PLEKHG2: variants seen among roughly 807,000 people sequenced by gnomAD.
PLEKHG2 encodes the protein pleckstrin homology and RhoGEF domain containing G2, also known as pleckstrin homology domain-containing family G member 2.
A neutral mutation model predicts 104.4 loss-of-function variants in PLEKHG2; 71 were observed. That is an observed-to-expected ratio of 0.68 (90% CI 0.56 to 0.83). PLEKHG2 has a LOEUF of 0.83. Ranked by LOEUF, PLEKHG2 falls within the 40% of genes least tolerant of loss-of-function variation. PLEKHG2 has a pLI of 0.00. For missense variants in PLEKHG2, 1,730 were observed against 1,809.4 expected, an observed-to-expected ratio of 0.96 and a Z score of 0.80; for synonymous variants, 728 against 737.0, an observed-to-expected ratio of 0.99 and a Z score of 0.20.
chr19:39,422,299 T>C lies in PLEKHG2; in HGVS notation c.1677+11T>C. 6.2e-7 allele frequency: 1 copy of C among 1,606,868 alleles called. No individual in the cohort carries two copies. Among genetic ancestry groups the C allele is most frequent in the Non-Finnish European group, 8.5e-7 (1 of 1,176,608 alleles). ...CTTCGAGATCCAGGGGTGAGCTGGC[T>C]GTCCCATCATGGTGTCCTTGGGCCT... On this transcript the variant is annotated intron_variant, in intron 17 of 18. Coordinates refer to ENST00000425673, the MANE Select transcript of PLEKHG2 (RefSeq NM_022835.3).
At position 39,423,727 on chromosome 19, in the gene PLEKHG2, A is replaced by G. The variant is rs1480175598; in HGVS notation, c.2600-6A>G. The G allele has an allele frequency of 3.7e-6, 6 of 1,605,562 alleles. No individual in the cohort carries two copies. The highest frequency in any genetic ancestry group is 5.1e-6 in the Non-Finnish European group (6 of 1,174,532). On this transcript the variant is annotated splice_region_variant and splice_polypyrimidine_tract_variant and intron_variant, in intron 18 of 18. Transcript: ENST00000425673. ...GGTCCTGACTCGATCCTCTTTTCGC[A>G]TTCAGGGCTCCTGCCTGCCTTTGGA...
At chr19:39,421,628 C>G (rs889246253) in intron 16 of PLEKHG2, 1 of 425,326 alleles carries the variant, frequency 2.4e-6, no homozygotes, top group East Asian at 5.0e-5. Flanking sequence ...GCAGAGGTTG[C>G]AAAATGAGCT....
intron 16 of PLEKHG2, chr19:39,421,903 G>A (rs1318943816): frequency 1.0e-5 from 4 of 401,822 alleles, no homozygotes; most frequent in African/African-American, 2.1e-5. Context: ...TGTAATCCCA[G>A]CTACTCAGGA....
chr19:39,424,544 C>T lies in PLEKHG2; in HGVS notation c.3411C>T (p.Asp1137=). 1 of 1,614,124 alleles carries T rather than the reference C, an allele frequency of 6.2e-7. No individual in the cohort carries two copies. Among genetic ancestry groups the T allele is most frequent in the Non-Finnish European group, 8.5e-7 (1 of 1,180,032 alleles). ...TGTCTTTGTCCCAGGAGCTCCCAGACACTCAGGTTCCAGCTACCACACCTT... is the reference window on the plus strand; with the variant it reads ...TGTCTTTGTCCCAGGAGCTCCCAGATACTCAGGTTCCAGCTACCACACCTT... ...APLSLSQELP[D]TQVPATTPLP... Residue 1137 remains aspartate, a synonymous_variant, in exon 19 of 19, where the codon GAC becomes GAT. Coordinates refer to ENST00000425673, the MANE Select transcript of PLEKHG2 (RefSeq NM_022835.3).
intron 14 of PLEKHG2, 39 bp from the exon 15 acceptor site, chr19:39,421,036 G>A (rs1385440091): frequency 6.2e-7 from 1 of 1,614,108 alleles, no homozygotes; most frequent in Non-Finnish European, 8.5e-7. Flanking sequence ...GCATCGGGGT[G>A]GGAGCTGGGC....
rs775514717 is a variant in PLEKHG2 at position 39,415,228 on chromosome 19, G to A, written c.346G>A (p.Ala116Thr). The A allele has an allele frequency of 6.3e-7, 1 of 1,584,794 alleles. No homozygotes were observed. Among genetic ancestry groups the A allele is most frequent in the Non-Finnish European group, 8.6e-7 (1 of 1,164,806 alleles). ...VAREIVETERAYVRDLRSIVE... is the reference protein window; with the variant it reads ...VAREIVETERTYVRDLRSIVE... The stretch of plus-strand genomic sequence containing the variant: ...CCGGGAGATCGTGGAGACAGAACGG[G>A]CCTATGTCAGGGACCTCCGCAGCAT... The change falls in exon 3 of 19, where the codon GCC becomes ACC. Residue 116 changes from alanine (A) to threonine (T), a missense_variant. Ala to Thr is a moderately conservative substitution (Grantham distance 58, BLOSUM62 0). Coordinates refer to ENST00000425673, the MANE Select transcript of PLEKHG2 (RefSeq NM_022835.3). This position sits in a 1 kb window ranked among gnomAD's most constrained non-coding sequence, Gnocchi z 4.6.
At position 39,415,873 on chromosome 19, in the gene PLEKHG2, C is replaced by A. The variant is rs1019966052; in HGVS notation, c.479+434C>A. ...CGAGACAGCGTGAGCATGCGAGTGACCCCCTAAGCCTGATTTGCCTGGGAC... is the reference window on the plus strand; with the variant it reads ...CGAGACAGCGTGAGCATGCGAGTGAACCCCTAAGCCTGATTTGCCTGGGAC... On this transcript the variant is annotated intron_variant, in intron 4 of 18. Coordinates refer to ENST00000425673, the MANE Select transcript of PLEKHG2 (RefSeq NM_022835.3). This position sits in a 1 kb window ranked among gnomAD's most constrained non-coding sequence, Gnocchi z 4.6. 2.6e-5 allele frequency among the ~76,000 whole-genome samples: 4 copies of A among 152,020 alleles called. No homozygotes were observed. Among genetic ancestry groups the A allele is most frequent in the Admixed American group, 2.6e-4 (4 of 15,272 alleles).
intron 2 of PLEKHG2, 99 bp downstream of exon 2, chr19:39,414,294 C>T: frequency 1.6e-6 from 2 of 1,247,030 alleles, no homozygotes. Flanking sequence ...CCAACTCGCA[C>T]AAAGCTCCGA....
At chr19:39,414,917 G>A in intron 2 of PLEKHG2, 75 bp from the exon 3 acceptor site, 3 of 1,463,900 alleles carry the variant, frequency 2.0e-6, no homozygotes, top group South Asian at 1.4e-5. Flanking sequence ...TGAGGGTGTG[G>A]GCTGAACGCA....
chr19:39,420,355 C>T (rs2078679068), intron 11 of PLEKHG2, among the ~76,000 whole-genome samples: 2 of 149,850 alleles, frequency 1.3e-5, no homozygotes, highest in Admixed American at 6.6e-5. Context: ...GCAAAATCTC[C>T]GTCTCAAAAA....
chr19:39,421,331 C>A (rs1911940034), intron 16 of PLEKHG2, 32 bp downstream of exon 16: 9 of 1,609,092 alleles, frequency 5.6e-6, no homozygotes, highest in Non-Finnish European at 7.7e-6. Context: ...GGTCTGGGCA[C>A]CTTGACTTCT....
chr19:39,414,125 T>C lies in PLEKHG2; in HGVS notation c.39T>C (p.Pro13=). 1.3e-6 allele frequency: 2 copies of C among 1,551,446 alleles called. No homozygotes were observed. The highest frequency in any genetic ancestry group is 2.7e-5 in the African/African-American group (2 of 73,170). The part of the protein sequence containing the change: ...EGAQGLSLSK[P]SPSLGCGRRG... ...CCCAAGGACTGAGCCTCTCCAAACC[T>C]AGCCCAAGCCTCGGGTGTGGCCGAA... Residue 13 remains proline, a synonymous_variant, in exon 2 of 19, where the codon CCT becomes CCC. Transcript: ENST00000425673.
Position 39,426,414 on chromosome 19 carries a change from G to A in PLEKHG2, c.*1120G>A, listed in dbSNP as rs947249285. On this transcript the variant is annotated 3_prime_UTR_variant, in exon 19 of 19. Transcript: ENST00000425673. ...GGTCGTGGAGACAAAAGGCTTTTAT[G>A]TTAGGTTCTGTCTGCCCCCTTGTTC... is the stretch of plus-strand genomic sequence containing the variant. The A allele has an allele frequency of 1.3e-5, 2 of 152,244 alleles. No homozygotes were observed. Among genetic ancestry groups the A allele is most frequent in the Admixed American group, 6.5e-5 (1 of 15,276 alleles). The allele number at this position is 152,244 out of a possible 1,614,324, so 9.4% of individuals were successfully genotyped here.
In PLEKHG2 at chr19:39,416,246, G is replaced by A. The variant is rs2078600412; in HGVS notation, c.480-102G>A. On this transcript the variant is annotated intron_variant, in intron 4 of 18. Transcript: ENST00000425673. This position sits in a 1 kb window ranked among gnomAD's most constrained non-coding sequence, Gnocchi z 4.5. Reference sequence around the variant, plus strand: ...CTTAGGAGATGCTGGCAGTCAGCAAGCCCCCAGCCCCAGCAGACCATTGGG... The same window carrying A: ...CTTAGGAGATGCTGGCAGTCAGCAAACCCCCAGCCCCAGCAGACCATTGGG... The A allele has an allele frequency of 7.7e-6, 9 of 1,169,152 alleles. No individual in the cohort carries two copies. The highest frequency in any genetic ancestry group is 1.1e-5 in the Non-Finnish European group (9 of 792,758). The allele number at this position is 1,169,152 out of a possible 1,614,324, so 72.4% of individuals were successfully genotyped here. A position where few individuals can be genotyped will look rare whatever the true frequency, so the allele number is the denominator to read the frequency against.
At chr19:39,421,915 G>A (rs1219009100) in intron 16 of PLEKHG2, 200 bp from the exon 17 acceptor site, 2 of 438,526 alleles carry the variant, frequency 4.6e-6, no homozygotes, top group African/African-American at 4.1e-5. Context: ...TACTCAGGAG[G>A]CTGAGGCAGC....
intron 2 of PLEKHG2, 166 bp downstream of exon 2, chr19:39,414,361 C>T (rs2078567969): frequency 3.0e-6 from 2 of 671,324 alleles, no homozygotes; most frequent in Non-Finnish European, 2.5e-6. Context: ...GGGGGCAGCG[C>T]TGGGCAGAGT....
chr19:39,416,260 C>A lies in PLEKHG2; in HGVS notation c.480-88C>A. ...GCAGTCAGCAAGCCCCCAGCCCCAG[C>A]AGACCATTGGGGCCTCAGCCTCCTG... On this transcript the variant is annotated intron_variant, in intron 4 of 18. Coordinates refer to ENST00000425673, the MANE Select transcript of PLEKHG2 (RefSeq NM_022835.3). This position sits in a 1 kb window ranked among gnomAD's most constrained non-coding sequence, Gnocchi z 4.5. 1 of 1,327,002 alleles carries A rather than the reference C, an allele frequency of 7.5e-7. No individual in the cohort carries two copies. Among genetic ancestry groups the A allele is most frequent in the Non-Finnish European group, 1.1e-6 (1 of 929,442 alleles). The allele number at this position is 1,327,002 out of a possible 1,614,324, so 82.2% of individuals were successfully genotyped here.
Position 39,413,070 on chromosome 19 carries a change from C to T in PLEKHG2, c.-365C>T, listed in dbSNP as rs1414258659. Reference sequence around the variant, plus strand: ...AGGGGACCCAGGACTTTGGGACCCCCCTGTGCTCCCACCTGGAGGGAGTTT... The same window carrying T: ...AGGGGACCCAGGACTTTGGGACCCCTCTGTGCTCCCACCTGGAGGGAGTTT... On this transcript the variant is annotated 5_prime_UTR_variant, in exon 1 of 19. Transcript: ENST00000425673. The surrounding 1 kb of genome is among the most constrained non-coding windows in gnomAD (Gnocchi z 4.5). 1 of 152,216 alleles carries T rather than the reference C, an allele frequency of 6.6e-6. No homozygotes were observed. Among genetic ancestry groups the T allele is most frequent in the Non-Finnish European group, 1.5e-5 (1 of 68,054 alleles). The allele number at this position is 152,216 out of a possible 1,614,324, so 9.4% of individuals were successfully genotyped here. A position where few individuals can be genotyped will look rare whatever the true frequency, so the allele number is the denominator to read the frequency against.
At chr19:39,414,659 A>T (rs1020931451) in intron 2 of PLEKHG2, among the ~76,000 whole-genome samples, 1 of 152,318 alleles carries the variant, frequency 6.6e-6, no homozygotes, top group Middle Eastern at 3.4e-3. Context: ...CACATTGCCC[A>T]GTGCCCTGTG....
Sources: allele counts gnomAD v4.1 joint callset (sites outside exome capture counted in the v4.1 genomes callset), GRCh38; gene constraint gnomAD v4.1.1; non-coding constraint Gnocchi (gnomAD v3.1); transcripts MANE v1.5; gene names NCBI Gene and HGNC (gene_info 2026-07-23, HGNC 2026-07-21).